YTHDC2: variants seen among roughly 807,000 people sequenced by gnomAD.
The protein encoded by YTHDC2 is YTH N6-methyladenosine RNA binding protein C2.
In YTHDC2, 45 loss-of-function variants were observed where a neutral mutation model predicts 174.9. The observed-to-expected ratio is 0.26, with a 90% confidence interval of 0.20 to 0.33. YTHDC2 has a LOEUF of 0.33. YTHDC2 is among the 10% of genes least tolerant of loss of function. The pLI is 1.00. For missense variants in YTHDC2, 1,650 were observed against 1,723.7 expected (o/e 0.96, Z 0.76); for synonymous variants, 657 against 574.5 (o/e 1.14, Z -2.05).
At chr5:113,579,535 C>T (rs1057066150) in intron 23 of YTHDC2, 51 bp from the exon 24 acceptor site, 4 of 1,377,960 alleles carry the variant, frequency 2.9e-6, no homozygotes, top group African/African-American at 3.0e-5. Context: ...AGTTTTTTGC[C>T]ATAACGTAAG....
intron 2 of YTHDC2, 63 bp downstream of exon 2, chr5:113,515,425 G>C (rs557347949): frequency 7.6e-7 from 1 of 1,307,232 alleles, no homozygotes; most frequent in Non-Finnish European, 1.1e-6. Context: ...AGGGAGAAAC[G>C]TTTCTGAGTA....
At chr5:113,543,893 G>A (rs1775655212) in intron 10 of YTHDC2, among the ~76,000 whole-genome samples, 1 of 152,098 alleles carries the variant, frequency 6.6e-6, no homozygotes, top group African/African-American at 2.4e-5. Context: ...TTAGGTCTCT[G>A]CTTACACATT....
At chr5:113,514,597 G>C (rs950909796) in intron 1 of YTHDC2, among the ~76,000 whole-genome samples, 3 of 152,128 alleles carry the variant, frequency 2.0e-5, no homozygotes, top group Non-Finnish European at 4.4e-5. Flanking sequence ...CTTGTCTTGG[G>C]TCATATAATG....
chr5:113,559,723 CAA>C (rs1178889114), intron 17 of YTHDC2, among the ~76,000 whole-genome samples: 7 of 152,258 alleles, frequency 4.6e-5, no homozygotes, highest in Middle Eastern at 6.8e-3. Context: ...CAACTGCAGA[CAA>C]GAGCAGAGCT....
Position 113,545,828 on chromosome 5 carries a change from C to T in YTHDC2, c.1496-2713C>T, listed in dbSNP as rs1324252567. The stretch of plus-strand genomic sequence containing the variant: ...GGATCTCGGCTCACTGCAAGCTCCG[C>T]CTCCCGGGTTCACGCCATTCTCCTG... On this transcript the variant is annotated intron_variant, in intron 10 of 29. Transcript: ENST00000161863. 2.0e-4 allele frequency among the ~76,000 whole-genome samples: 19 copies of T among 97,134 alleles called. 2 individuals are homozygous for T. Among genetic ancestry groups the T allele is most frequent in the Non-Finnish European group, 9.3e-5 (5 of 54,040 alleles). 63.7% of individuals were successfully genotyped at this position (97,134 alleles called of 152,430 possible).
rs150952221 is a variant in YTHDC2, at chr5:113,553,355, T to C, written c.1863T>C (p.Asp621=). Residue 621 remains aspartate (D), a synonymous_variant, in exon 13 of 30, where the codon GAT becomes GAC. Coordinates refer to ENST00000161863, the MANE Select transcript of YTHDC2 (RefSeq NM_022828.5). ...HLLYNICHSC[D]AGAVLIFLPG... ...TATACAATATCTGCCATAGTTGTGA[T>C]GCTGGTAAATACGTGTTGTCTAAAA... The C allele has an allele frequency of 1.8e-5, 29 of 1,598,500 alleles. No individual in the cohort carries two copies. In the African/African-American group the frequency reaches 3.7e-4, roughly 20 times the overall value.
chr5:113,559,948 T>A (rs1776848828), intron 17 of YTHDC2, among the ~76,000 whole-genome samples: 2 of 152,232 alleles, frequency 1.3e-5, no homozygotes, highest in African/African-American at 4.8e-5. Flanking sequence ...ATTTTGCTTA[T>A]CGAGTTTCTG....
chr5:113,539,127 A>G lies in YTHDC2; in HGVS notation c.1156A>G (p.Thr386Ala). The change falls in exon 8 of 30, where the codon ACA becomes GCA. Residue 386 changes from threonine (T) to alanine (A), a missense_variant. This residue lies in a region of YTHDC2 where 411 missense variants were observed against 380.6 expected (regional missense o/e 1.08). Coordinates refer to ENST00000161863, the MANE Select transcript of YTHDC2 (RefSeq NM_022828.5). ...AATGTTTCTGGAAGATATTTTAAGA[A>G]CAACTGGATATACAAACAAAGAAAT... ...KEMFLEDILRTTGYTNKEMLK... is the reference protein window; with the variant it reads ...KEMFLEDILRATGYTNKEMLK... The G allele has an allele frequency of 6.9e-7, 1 of 1,446,780 alleles. No homozygotes were observed. The highest frequency in any genetic ancestry group is 9.3e-7 in the Non-Finnish European group (1 of 1,076,390). 89.6% of individuals were successfully genotyped at this position (1,446,780 alleles called of 1,614,324 possible).
In YTHDC2 at chr5:113,556,033, G is replaced by A; in HGVS notation, c.2134-19G>A. 9 of 1,448,332 alleles carry A rather than the reference G, an allele frequency of 6.2e-6. No individual in the cohort carries two copies. Among genetic ancestry groups the A allele is most frequent in the Non-Finnish European group, 6.8e-6 (7 of 1,035,980 alleles). 89.7% of individuals were successfully genotyped at this position (1,448,332 alleles called of 1,614,324 possible). A position where few individuals can be genotyped will look rare whatever the true frequency, so the allele number is the denominator to read the frequency against. ...AATACCTTTTATATTCTAACATAAA[G>A]ATGGTTTAAATATTACAGAAATCCT... On this transcript the variant is annotated intron_variant, in intron 16 of 29. Coordinates refer to ENST00000161863, the MANE Select transcript of YTHDC2 (RefSeq NM_022828.5).
chr5:113,517,953 A>T (rs975918124), intron 2 of YTHDC2, among the ~76,000 whole-genome samples: 1 of 151,812 alleles, frequency 6.6e-6, no homozygotes, highest in Admixed American at 6.6e-5. Flanking sequence ...CAGTGGTACA[A>T]TCTCGGCTCA....
At chr5:113,535,573 A>G (rs1321093901) in intron 6 of YTHDC2, 69 bp from the exon 7 acceptor site, 14 of 1,401,760 alleles carry the variant, frequency 1.0e-5, no homozygotes, top group Non-Finnish European at 1.2e-5. Context: ...CAGTGGTGCC[A>G]TTGTTTTTAA....
Position 113,591,922 on chromosome 5 carries a change from C to T in YTHDC2, c.4030-74C>T, listed in dbSNP as rs1199344843. The T allele has an allele frequency of 6.9e-6, 8 of 1,161,680 alleles. 1 individual carries two copies. The highest frequency in any genetic ancestry group is 6.4e-5 in the African/African-American group (4 of 62,798). The allele number at this position is 1,161,680 out of a possible 1,614,324, so 72.0% of individuals were successfully genotyped here. A position where few individuals can be genotyped will look rare whatever the true frequency, so the allele number is the denominator to read the frequency against. ...AATCTTAAAATTTTAAAAACTCAGC[C>T]TTCTCAGATAAATTAAATTTAGACA... On this transcript the variant is annotated intron_variant, in intron 27 of 29. Transcript: ENST00000161863.
chr5:113,542,289 C>T lies in YTHDC2; in HGVS notation c.1360-79C>T. On this transcript the variant is annotated intron_variant, in intron 9 of 29. Coordinates refer to ENST00000161863, the MANE Select transcript of YTHDC2 (RefSeq NM_022828.5). ...TCATAGGATTAGTAGTCCTGATGGC[C>T]ATTGTGGCCATCTTATGTTCTTTGC... The T allele has an allele frequency of 2.1e-6, 3 of 1,424,590 alleles. No homozygotes were observed. In the South Asian group the frequency reaches 3.8e-5, roughly 18 times the overall value. 88.2% of individuals were successfully genotyped at this position (1,424,590 alleles called of 1,614,324 possible).
rs753165910 is a variant in YTHDC2 at position 113,591,171 on chromosome 5, A to G, written c.3956A>G (p.Lys1319Arg). The G allele has an allele frequency of 6.8e-6, 11 of 1,614,004 alleles. No individual in the cohort carries two copies. In the South Asian group the frequency reaches 1.2e-4, roughly 18 times the overall value. Residue 1319 changes from lysine to arginine, a missense_variant, in exon 27 of 30, where the codon AAG (lysine) becomes AGG (arginine). Physicochemically the swap from Lys to Arg is conservative, Grantham distance 26. Around this residue, in one of 5 missense-constraint regions of YTHDC2, gnomAD observed 913 missense variants for 940.4 expected, o/e 0.97. Coordinates refer to ENST00000161863, the MANE Select transcript of YTHDC2 (RefSeq NM_022828.5). ...TCTACAACTCCTAGTAATGAACGGAAGCTAAATCGAGCCTTTTGGGAAAGC... is the reference window on the plus strand; with the variant it reads ...TCTACAACTCCTAGTAATGAACGGAGGCTAAATCGAGCCTTTTGGGAAAGC... ...IWSTTPSNER[K>R]LNRAFWESSI... is the part of the protein sequence containing the mutation.
At position 113,593,527 on chromosome 5, in the gene YTHDC2, A is replaced by G. The variant is rs1779114903; in HGVS notation, c.*53A>G. 2 of 646,460 alleles carry G rather than the reference A, an allele frequency of 3.1e-6. No individual in the cohort carries two copies. The highest frequency in any genetic ancestry group is 5.0e-6 in the Non-Finnish European group (2 of 398,558). The allele number at this position is 646,460 out of a possible 1,614,324, so 40.0% of individuals were successfully genotyped here. On this transcript the variant is annotated 3_prime_UTR_variant, in exon 30 of 30. Coordinates refer to ENST00000161863, the MANE Select transcript of YTHDC2 (RefSeq NM_022828.5). ...CATCATGCCTATTTATAACCACTGA[A>G]TGCACTGACTTTCAAAAACTGAGGT...
intron 9 of YTHDC2, 35 bp from the exon 10 acceptor site, chr5:113,542,333 T>C: frequency 1.3e-6 from 2 of 1,598,748 alleles, no homozygotes; most frequent in Non-Finnish European, 1.7e-6. Flanking sequence ...GTTAGGTAAT[T>C]TATGATAATT....
At chr5:113,520,515 T>A (rs1352234933) in intron 2 of YTHDC2, among the ~76,000 whole-genome samples, 1 of 152,104 alleles carries the variant, frequency 6.6e-6, no homozygotes, top group African/African-American at 2.4e-5. Flanking sequence ...TTTTTTTTCT[T>A]TAAATGAGAA....
chr5:113,528,709 A>G (rs1302238498), intron 4 of YTHDC2, among the ~76,000 whole-genome samples: 1 of 152,084 alleles, frequency 6.6e-6, no homozygotes, highest in Non-Finnish European at 1.5e-5. Flanking sequence ...AGGTTTCAAC[A>G]TGTTGCCGAG....
chr5:113,547,707 C>G (rs1050605447), intron 10 of YTHDC2, among the ~76,000 whole-genome samples: 1 of 152,032 alleles, frequency 6.6e-6, no homozygotes, highest in Non-Finnish European at 1.5e-5. Context: ...TTGTCTCTGC[C>G]TCACTTTAAA....
Sources: gnomAD v4.1 joint callset for allele counts (sites outside exome capture counted in the v4.1 genomes callset) on GRCh38, gnomAD v4.1.1 for gene constraint, gnomAD v4.1.1 regional missense constraint, MANE v1.5 for transcripts, NCBI Gene and HGNC (gene_info 2026-07-23, HGNC 2026-07-21) for gene names.